DOCK10: variants seen among roughly 807,000 people sequenced by gnomAD.
The protein encoded by DOCK10 is dedicator of cytokinesis 10.
A neutral mutation model predicts 280.1 loss-of-function variants in DOCK10; 145 were observed. That is an observed-to-expected ratio of 0.52 (90% CI 0.45 to 0.59). The LOEUF is 0.59. Ranked by LOEUF, DOCK10 falls within the 20% of genes least tolerant of loss-of-function variation. The pLI, the probability that DOCK10 is intolerant of heterozygous loss-of-function variation, is 0.00. For synonymous variants in DOCK10, 915 were observed against 942.2 expected, an observed-to-expected ratio of 0.97 and a Z score of 0.53; for missense variants, 2,368 against 2,651.7, an observed-to-expected ratio of 0.89 and a Z score of 2.35.
intron 17 of DOCK10, 83 bp downstream of exon 17, chr2:224,852,852 T>G: frequency 8.2e-7 from 1 of 1,214,796 alleles, no homozygotes; most frequent in Non-Finnish European, 1.1e-6. Flanking sequence ...CATAGTAATT[T>G]GTATTTGCAC....
chr2:224,926,868 G>T (rs1226296493), intron 2 of DOCK10, among the ~76,000 whole-genome samples: 1 of 152,168 alleles, frequency 6.6e-6, no homozygotes, highest in East Asian at 1.9e-4. Context: ...TTTTCCATCT[G>T]CTTTGTGCCA....
intron 1 of DOCK10, among the ~76,000 whole-genome samples, chr2:224,950,658 T>C (rs1276097628): frequency 6.6e-6 from 1 of 152,164 alleles, no homozygotes; most frequent in Non-Finnish European, 1.5e-5. Flanking sequence ...GATTTAGACA[T>C]GTTGAATGTT....
At chr2:224,800,602 T>G (rs561807672) in intron 40 of DOCK10, among the ~76,000 whole-genome samples, 1 of 152,328 alleles carries the variant, frequency 6.6e-6, no homozygotes, top group African/African-American at 2.4e-5. Context: ...ACAGTCTCAG[T>G]GGACAGTCTT....
intron 4 of DOCK10, among the ~76,000 whole-genome samples, chr2:224,889,679 G>C (rs567677381): frequency 7.9e-5 from 12 of 152,340 alleles, no homozygotes; most frequent in Middle Eastern, 3.4e-3. Context: ...TGGGATGGCA[G>C]AGGAAGTAGC....
Position 225,042,191 on chromosome 2 carries a change from G to A in DOCK10, c.123+61C>T. On this transcript the variant is annotated intron_variant, in intron 1 of 55. Transcript: ENST00000258390. The surrounding 1 kb of genome is among the most constrained non-coding windows in gnomAD (Gnocchi z 5.1). ...CCCGCCGAGCTTTTGGGGAAGCTGGGCTCCGTTCCCCCCGGGCGCCTGGGG... is the reference window on the plus strand; with the variant it reads ...CCCGCCGAGCTTTTGGGGAAGCTGGACTCCGTTCCCCCCGGGCGCCTGGGG... The A allele has an allele frequency of 1.6e-6, 2 of 1,222,528 alleles. No individual in the cohort carries two copies. Among genetic ancestry groups the A allele is most frequent in the South Asian group, 3.8e-5 (1 of 26,120 alleles). 75.7% of individuals were successfully genotyped at this position (1,222,528 alleles called of 1,614,324 possible). A position where few individuals can be genotyped will look rare whatever the true frequency, so the allele number is the denominator to read the frequency against.
chr2:224,964,712 A>T (rs116545099), intron 1 of DOCK10, among the ~76,000 whole-genome samples: 1 of 152,302 alleles, frequency 6.6e-6, no homozygotes, highest in African/African-American at 2.4e-5. Flanking sequence ...ACTGGTGTTG[A>T]ATATTACCAA....
intron 1 of DOCK10, among the ~76,000 whole-genome samples, chr2:225,017,077 G>A (rs1158229923): frequency 7.6e-6 from 1 of 131,806 alleles, no homozygotes; most frequent in South Asian, 2.5e-4. Flanking sequence ...TTTAAGTGTT[G>A]TAAACTCAAG....
At chr2:225,017,787 G>A (rs1345659518) in intron 1 of DOCK10, among the ~76,000 whole-genome samples, 2 of 151,342 alleles carry the variant, frequency 1.3e-5, no homozygotes, top group Non-Finnish European at 2.9e-5. Context: ...CTCCACTAAC[G>A]TAGTTAGGTT....
intron 50 of DOCK10, chr2:224,784,812 G>A: frequency 1.6e-6 from 2 of 1,258,336 alleles, no homozygotes; most frequent in Non-Finnish European, 2.1e-6. Context: ...AAAGCAGCGT[G>A]ATTCACTTCT....
intron 4 of DOCK10, among the ~76,000 whole-genome samples, chr2:224,889,667 T>C (rs1362016412): frequency 1.3e-5 from 2 of 152,214 alleles, no homozygotes; most frequent in African/African-American, 4.8e-5. Context: ...GGGTCAACTT[T>C]ATGGGATGGC....
chr2:224,989,219 C>T (rs1706063255), intron 1 of DOCK10, among the ~76,000 whole-genome samples: 1 of 152,138 alleles, frequency 6.6e-6, no homozygotes, highest in South Asian at 2.1e-4. Flanking sequence ...TTGGTGGGAG[C>T]TCAACTGCCT....
Position 224,825,837 on chromosome 2 carries a change from A to G in DOCK10, c.3037-2190T>C, listed in dbSNP as rs548226786. ...GAGATGAAGGGAGTGAGATGGTGGC[A>G]CACTTCCCAAGCTGCAGAGCTGGAC... On this transcript the variant is annotated intron_variant, in intron 27 of 55. Coordinates refer to ENST00000258390, the MANE Select transcript of DOCK10 (RefSeq NM_014689.3). Among the ~76,000 whole-genome samples, 33 of 152,324 alleles carry G rather than the reference A, an allele frequency of 2.2e-4. 1 individual carries two copies. In the South Asian group the frequency reaches 6.0e-3, roughly 28 times the overall value.
chr2:224,911,139 T>C (rs1700989929), intron 3 of DOCK10, among the ~76,000 whole-genome samples: 1 of 152,150 alleles, frequency 6.6e-6, no homozygotes, highest in Admixed American at 6.5e-5. Flanking sequence ...TGGTTTCTCC[T>C]TGGAGCAGTT....
At chr2:224,862,515 C>T (rs1697576400) in intron 14 of DOCK10, 149 bp downstream of exon 14, 1 of 637,636 alleles carries the variant, frequency 1.6e-6, no homozygotes, top group South Asian at 1.9e-5. Context: ...CTCAGAGAAG[C>T]TCAAGATGTT....
chr2:225,013,566 G>C (rs1020244447), intron 1 of DOCK10, among the ~76,000 whole-genome samples: 7 of 152,152 alleles, frequency 4.6e-5, no homozygotes, highest in Non-Finnish European at 8.8e-5. Context: ...CCAAAGTGAA[G>C]TGGAGAGCTG....
At position 224,854,984 on chromosome 2, in the gene DOCK10, T is replaced by C. The variant is rs772665639; in HGVS notation, c.1867A>G (p.Asn623Asp). The C allele has an allele frequency of 1.2e-6, 2 of 1,610,352 alleles. No homozygotes were observed. Among genetic ancestry groups the C allele is most frequent in the African/African-American group, 1.3e-5 (1 of 74,720 alleles). ...IPGSLDIAVD[N>D]VPLEHPNCVT... ...ATACTTGGATGCTCCAAGGGAACGTTGTCAACAGCAATATCCAGGCTTCCA... is the reference window on the plus strand; with the variant it reads ...ATACTTGGATGCTCCAAGGGAACGTCGTCAACAGCAATATCCAGGCTTCCA... The change falls in exon 16 of 56, where the codon AAC (asparagine) becomes GAC (aspartate). Residue 623 changes from asparagine (N) to aspartate (D), a missense_variant. Asn to Asp is a conservative substitution (Grantham distance 23). Transcript: ENST00000258390.
At position 224,823,567 on chromosome 2, in the gene DOCK10, A is replaced by C; in HGVS notation, c.3117T>G (p.Ile1039Met). The C allele has an allele frequency of 6.2e-7, 1 of 1,608,890 alleles. No individual in the cohort carries two copies. Among genetic ancestry groups the C allele is most frequent in the South Asian group, 1.1e-5 (1 of 89,440 alleles). The change falls in exon 28 of 56, where the codon ATT (isoleucine) becomes ATG (methionine). Residue 1039 changes from isoleucine to methionine, a missense_variant. Coordinates refer to ENST00000258390, the MANE Select transcript of DOCK10 (RefSeq NM_014689.3). ...CTTCAAGTGCATCCTTGTATTTCCA[A>C]ATCACATGGTCGGATAGGACCATGA... is the stretch of plus-strand genomic sequence containing the variant. ...NLVMVLSDHV[I>M]WKYKDALEET...
intron 42 of DOCK10, 72 bp downstream of exon 42, chr2:224,797,760 T>A: frequency 1.3e-6 from 2 of 1,496,360 alleles, no homozygotes; most frequent in Non-Finnish European, 1.8e-6. Flanking sequence ...ACGCAAGGAT[T>A]CCTATAGGTT....
intron 22 of DOCK10, 108 bp downstream of exon 22, chr2:224,844,645 C>T (rs960396880): frequency 1.3e-6 from 1 of 741,864 alleles, no homozygotes; most frequent in Admixed American, 2.3e-5. Flanking sequence ...CAAACACCTG[C>T]CTTTCTGACA....
Sources: allele counts gnomAD v4.1 joint callset (sites outside exome capture counted in the v4.1 genomes callset), GRCh38; gene constraint gnomAD v4.1.1; non-coding constraint Gnocchi (gnomAD v3.1); transcripts MANE v1.5; gene names NCBI Gene and HGNC (gene_info 2026-07-23, HGNC 2026-07-21).